The following CYP7B1 variants were observed in gnomAD, a reference collection of about 807,000 sequenced individuals.
CYP7B1 encodes the protein cytochrome P450 7B1.
A neutral mutation model predicts 42.7 loss-of-function variants in CYP7B1; 29 were observed. That is an observed-to-expected ratio of 0.68 (90% confidence interval 0.51 to 0.93). CYP7B1 has a LOEUF of 0.93. Among genes scored for constraint, CYP7B1 ranks in the 40% least tolerant of loss-of-function variants. The pLI is 0.00. For synonymous variants in CYP7B1, 235 were observed against 218.2 expected (o/e 1.08, Z -0.68); for missense variants, 655 against 600.5 (o/e 1.09, Z -0.95).
intron 1 of CYP7B1, among the ~76,000 whole-genome samples, chr8:64,665,485 T>C (rs186191505): frequency 6.6e-6 from 1 of 151,544 alleles, no homozygotes; most frequent in East Asian, 1.9e-4. Flanking sequence ...CAAACTAAGT[T>C]TGGGCAAAGT....
intron 4 of CYP7B1, among the ~76,000 whole-genome samples, chr8:64,613,879 T>G (rs1318890108): frequency 1.3e-5 from 2 of 152,058 alleles, no homozygotes; most frequent in African/African-American, 4.8e-5. Context: ...CCACTGAGGG[T>G]GAACATTGAC....
chr8:64,766,839 G>T (rs1029660425), intron 1 of CYP7B1, among the ~76,000 whole-genome samples: 2 of 152,144 alleles, frequency 1.3e-5, no homozygotes, highest in Non-Finnish European at 2.9e-5. Flanking sequence ...CCTTCACGGA[G>T]CCCCAGGTAT....
chr8:64,654,937 A>C (rs1397082711), intron 1 of CYP7B1, among the ~76,000 whole-genome samples: 4 of 152,222 alleles, frequency 2.6e-5, no homozygotes, highest in Non-Finnish European at 5.9e-5. Context: ...TTCCCTCCTC[A>C]ATAAATGGTG....
intron 1 of CYP7B1, among the ~76,000 whole-genome samples, chr8:64,715,592 G>A (rs967740444): frequency 2.0e-5 from 3 of 151,524 alleles, no homozygotes; most frequent in South Asian, 2.1e-4. Flanking sequence ...TTTTTTTTCC[G>A]TTCCTCACAC....
At chr8:64,644,738 T>C (rs1185625906) in intron 1 of CYP7B1, among the ~76,000 whole-genome samples, 4 of 152,178 alleles carry the variant, frequency 2.6e-5, no homozygotes, top group African/African-American at 9.6e-5. Flanking sequence ...ATCGTGCACA[T>C]GTAGAGTAGA....
intron 1 of CYP7B1, among the ~76,000 whole-genome samples, chr8:64,769,698 C>T (rs1804185333): frequency 6.6e-6 from 1 of 152,166 alleles, no homozygotes; most frequent in African/African-American, 2.4e-5. Flanking sequence ...TCTGCATTTC[C>T]AGACTTTCCT....
intron 1 of CYP7B1, among the ~76,000 whole-genome samples, chr8:64,635,819 T>C (rs1345965644): frequency 6.6e-6 from 1 of 152,206 alleles, no homozygotes; most frequent in Non-Finnish European, 1.5e-5. Context: ...CTATGTAATT[T>C]TGTGATCCAA....
chr8:64,638,396 T>C (rs1400722010), intron 1 of CYP7B1, among the ~76,000 whole-genome samples: 1 of 152,172 alleles, frequency 6.6e-6, no homozygotes, highest in African/African-American at 2.4e-5. Context: ...TAATTTTGCT[T>C]TGAGGACTTT....
chr8:64,639,096 G>GT (rs576532423), intron 1 of CYP7B1, among the ~76,000 whole-genome samples: 221 of 151,212 alleles, frequency 1.5e-3, no homozygotes, highest in African/African-American at 4.8e-3. Flanking sequence ...TATAGAAGGT[G>GT]TTTTTTTTCC....
intron 1 of CYP7B1, among the ~76,000 whole-genome samples, chr8:64,767,548 T>G (rs887926019): frequency 6.6e-6 from 1 of 152,188 alleles, no homozygotes; most frequent in African/African-American, 2.4e-5. Context: ...AAAAATACTT[T>G]TGCCTGCAGC....
intron 1 of CYP7B1, among the ~76,000 whole-genome samples, chr8:64,705,232 G>C (rs1463740980): frequency 6.6e-6 from 1 of 151,712 alleles, no homozygotes; most frequent in Non-Finnish European, 1.5e-5. Context: ...AAAAAGGTGG[G>C]GGGGGGAATC....
chr8:64,772,274 T>G (rs1804248317), intron 1 of CYP7B1, among the ~76,000 whole-genome samples: 1 of 152,210 alleles, frequency 6.6e-6, no homozygotes, highest in South Asian at 2.1e-4. Context: ...CTGGGTCACA[T>G]TGCCCAGATA....
chr8:64,665,144 ACAGGTAC>A (rs1806255548), intron 1 of CYP7B1, among the ~76,000 whole-genome samples: 1 of 152,242 alleles, frequency 6.6e-6, no homozygotes, highest in South Asian at 2.1e-4. Context: ...CTACTGTGTT[ACAGGTAC>A]CAGGTCAGGT....
chr8:64,765,154 A>G (rs1255875879), intron 1 of CYP7B1, among the ~76,000 whole-genome samples: 1 of 152,210 alleles, frequency 6.6e-6, no homozygotes, highest in East Asian at 1.9e-4. Flanking sequence ...TTCTAAGTCA[A>G]TTTGGACTAA....
At position 64,624,547 on chromosome 8, in the gene CYP7B1, G is replaced by GA. The variant is rs8192895; in HGVS notation, c.123-9dup. ...GGAGGCTCACCGGGTCTCCTACAAG[G>GA]AAAAAAAAAAAGATAAAAGAACAAA... On this transcript the variant is annotated splice_polypyrimidine_tract_variant and intron_variant, in intron 1 of 5. Transcript: ENST00000310193. 8,082 of 1,149,278 alleles carry GA rather than the reference G, an allele frequency of 7.0e-3. No individual in the cohort carries two copies. Among genetic ancestry groups the GA allele is most frequent in the South Asian group, 0.012 (789 of 66,236 alleles). The allele number at this position is 1,149,278 out of a possible 1,614,324, so 71.2% of individuals were successfully genotyped here.
At chr8:64,784,890 G>A (rs916561409) in intron 1 of CYP7B1, among the ~76,000 whole-genome samples, 7 of 151,938 alleles carry the variant, frequency 4.6e-5, no homozygotes, top group African/African-American at 1.7e-4. Flanking sequence ...AATTGGACTT[G>A]ATTAAAATTA....
At chr8:64,631,439 A>G (rs1805694153) in intron 1 of CYP7B1, among the ~76,000 whole-genome samples, 1 of 152,182 alleles carries the variant, frequency 6.6e-6, no homozygotes, top group African/African-American at 2.4e-5. Context: ...AAAGACTTAA[A>G]TGCAAGACCC....
At chr8:64,606,510 A>G (rs1805284727) in intron 4 of CYP7B1, among the ~76,000 whole-genome samples, 1 of 152,244 alleles carries the variant, frequency 6.6e-6, no homozygotes, top group Admixed American at 6.5e-5. Context: ...TAATTGTGGG[A>G]TGGCTGCTGT....
intron 1 of CYP7B1, among the ~76,000 whole-genome samples, chr8:64,730,713 T>A (rs1269894217): frequency 6.6e-6 from 1 of 150,686 alleles, no homozygotes; most frequent in Admixed American, 6.6e-5. Context: ...GGTTACTAAA[T>A]TCATGGAAAT....
Sources: gnomAD v4.1 joint callset for allele counts (sites outside exome capture counted in the v4.1 genomes callset) on GRCh38, gnomAD v4.1.1 for gene constraint, MANE v1.5 for transcripts, NCBI Gene and HGNC (gene_info 2026-07-23, HGNC 2026-07-21) for gene names.